Variants in GSG1L observed in about 807,000 individuals in gnomAD.
GSG1L encodes GSG1 like, also known as germ cell-specific gene 1-like protein.
In GSG1L, 24 loss-of-function variants were observed where a neutral mutation model predicts 42.1. The observed-to-expected ratio is 0.57, with a 90% CI of 0.41 to 0.80. The LOEUF is 0.80. Ranked by LOEUF, GSG1L falls within the 30% of genes least tolerant of loss-of-function variation. The pLI, the probability that GSG1L is intolerant of heterozygous loss-of-function variation, is 0.00. For missense variants in GSG1L, 445 were observed against 472.2 expected, an observed-to-expected ratio of 0.94 and a Z score of 0.53; for synonymous variants, 215 against 203.5, an observed-to-expected ratio of 1.06 and a Z score of -0.48.
chr16:28,058,976 G>T (rs1331226584), intron 1 of GSG1L, among the ~76,000 whole-genome samples: 3 of 152,208 alleles, frequency 2.0e-5, no homozygotes, highest in African/African-American at 7.2e-5. Context: ...GGTGCAGGAT[G>T]AACTGGGGAG....
intron 3 of GSG1L, among the ~76,000 whole-genome samples, chr16:27,874,441 C>CTTTTTTTTTTTTTTTTTTTTTTTTT (rs71140916): frequency 2.1e-5 from 2 of 94,474 alleles, no homozygotes; most frequent in African/African-American, 3.7e-5. Flanking sequence ...ACAGGAGAGC[C>CTTTTTTTTTTTTTTTTTTTTTTTTT]TTTTTTTTTT....
At chr16:27,939,539 G>C (rs926573489) in intron 2 of GSG1L, among the ~76,000 whole-genome samples, 6 of 152,160 alleles carry the variant, frequency 3.9e-5, no homozygotes, top group Admixed American at 3.3e-4. Flanking sequence ...CTGTATGACA[G>C]AATGACACAC....
chr16:27,819,968 G>C (rs914474121), intron 5 of GSG1L, among the ~76,000 whole-genome samples: 2 of 152,160 alleles, frequency 1.3e-5, no homozygotes, highest in African/African-American at 4.8e-5. Flanking sequence ...CAGAGAAAAA[G>C]GAAGGAGACA....
At chr16:27,874,686 C>A (rs2083865682) in intron 3 of GSG1L, among the ~76,000 whole-genome samples, 1 of 152,056 alleles carries the variant, frequency 6.6e-6, no homozygotes. Context: ...CACAAAGAGA[C>A]AGCATGGGAG....
At position 27,862,366 on chromosome 16, in the gene GSG1L, C is replaced by T. The variant is rs571839707; in HGVS notation, c.551-17305G>A. On this transcript the variant is annotated intron_variant, in intron 3 of 6. Coordinates refer to ENST00000447459, the MANE Select transcript of GSG1L (RefSeq NM_001109763.2). Reference sequence around the variant, plus strand: ...AGAAACCAAAAGGAGCCGAAATCTCCGAACAACCAGGTGAGCTTCAAACAG... The same window carrying T: ...AGAAACCAAAAGGAGCCGAAATCTCTGAACAACCAGGTGAGCTTCAAACAG... Among the ~76,000 whole-genome samples the T allele has an allele frequency of 4.7e-4, 72 of 152,248 alleles. 1 individual carries two copies. The highest frequency in any genetic ancestry group is 1.7e-3 in the African/African-American group (71 of 41,536).
chr16:27,924,946 A>T (rs933664), intron 2 of GSG1L, among the ~76,000 whole-genome samples: 2 of 151,976 alleles, frequency 1.3e-5, no homozygotes, highest in African/African-American at 2.4e-5. Context: ...GCAACACCGG[A>T]TCACACGCCT....
Position 27,790,282 on chromosome 16 carries a change from A to T in GSG1L, c.*1088T>A, listed in dbSNP as rs2144377816. On this transcript the variant is annotated 3_prime_UTR_variant, in exon 7 of 7. Transcript: ENST00000447459. The stretch of plus-strand genomic sequence containing the variant: ...GGATGATGGATGGAAGGATGGAAGG[A>T]TAAAGGAGAAGAATATATTCTACGT... 6.6e-6 allele frequency: 1 copy of T among 152,308 alleles called. No individual in the cohort carries two copies. The highest frequency in any genetic ancestry group is 2.1e-4 in the South Asian group (1 of 4,828). 9.4% of individuals were successfully genotyped at this position (152,308 alleles called of 1,614,324 possible). A position where few individuals can be genotyped will look rare whatever the true frequency, so the allele number is the denominator to read the frequency against.
intron 2 of GSG1L, among the ~76,000 whole-genome samples, chr16:27,958,451 C>A (rs541660061): frequency 6.6e-6 from 1 of 150,462 alleles, no homozygotes; most frequent in Non-Finnish European, 1.5e-5. Context: ...TATCAGTCAT[C>A]ATGCGATAGA....
intron 6 of GSG1L, among the ~76,000 whole-genome samples, chr16:27,800,006 G>C (rs1253370397): frequency 6.6e-6 from 1 of 152,100 alleles, no homozygotes; most frequent in African/African-American, 2.4e-5. Flanking sequence ...CAGACCTCCT[G>C]AATCAGAAAT....
At chr16:27,951,991 T>C (rs2084955457) in intron 2 of GSG1L, among the ~76,000 whole-genome samples, 1 of 152,134 alleles carries the variant, frequency 6.6e-6, no homozygotes, top group African/African-American at 2.4e-5. Flanking sequence ...GGAGATTGCT[T>C]CACAAAAATT....
At chr16:27,820,215 TCGGGTGGGGCGGAG>T (rs1372025207) in intron 5 of GSG1L, among the ~76,000 whole-genome samples, 2 of 152,110 alleles carry the variant, frequency 1.3e-5, no homozygotes, top group Admixed American at 6.6e-5. Flanking sequence ...GCATATGGCA[TCGGGTGGGGCGGAG>T]CGGGTTCTTC....
chr16:27,948,369 C>T (rs2084909364), intron 2 of GSG1L, among the ~76,000 whole-genome samples: 1 of 151,886 alleles, frequency 6.6e-6, no homozygotes, highest in Non-Finnish European at 1.5e-5. Flanking sequence ...TATTCTTATT[C>T]TTATTCTTAT....
chr16:28,006,433 C>A (rs1438526357), intron 1 of GSG1L, among the ~76,000 whole-genome samples: 1 of 151,982 alleles, frequency 6.6e-6, no homozygotes, highest in South Asian at 2.1e-4. Flanking sequence ...CTCAGCCTCC[C>A]GAGTGACTGT....
At chr16:27,795,158 G>C (rs2144393191) in intron 6 of GSG1L, among the ~76,000 whole-genome samples, 1 of 151,750 alleles carries the variant, frequency 6.6e-6, no homozygotes, top group South Asian at 2.1e-4. Flanking sequence ...GCCCAGCACA[G>C]AGCAAGTCCC....
At chr16:28,028,601 C>T (rs1202787201) in intron 1 of GSG1L, among the ~76,000 whole-genome samples, 1 of 152,118 alleles carries the variant, frequency 6.6e-6, no homozygotes, top group Admixed American at 6.5e-5. Context: ...CAGCTTTTAA[C>T]TCTCAGAGAA....
intron 6 of GSG1L, among the ~76,000 whole-genome samples, chr16:27,796,480 A>G (rs750032086): frequency 6.6e-6 from 1 of 152,242 alleles, no homozygotes; most frequent in Non-Finnish European, 1.5e-5. Flanking sequence ...CCTTTGAGGC[A>G]TGTGTCACAG....
At chr16:27,823,454 C>CA (rs2083171042) in intron 5 of GSG1L, among the ~76,000 whole-genome samples, 1 of 152,096 alleles carries the variant, frequency 6.6e-6, no homozygotes, top group Non-Finnish European at 1.5e-5. Flanking sequence ...TCCAACAGGA[C>CA]ATGGGTGGTG....
In GSG1L at chr16:27,829,804, A is replaced by C. The variant is rs76067194; in HGVS notation, c.663-848T>G. Among the ~76,000 whole-genome samples, 606 of 152,334 alleles carry C rather than the reference A, an allele frequency of 4.0e-3. 5 individuals carry two copies. The highest frequency in any genetic ancestry group is 7.3e-3 in the Non-Finnish European group (494 of 68,028). On this transcript the variant is annotated intron_variant, in intron 4 of 6. Transcript: ENST00000447459. ...TGATCCACTGAAACCATCTTAGAAT[A>C]GTGTCTGGCACATAGTAGGCACTCA... is the stretch of plus-strand genomic sequence containing the variant.
At chr16:27,836,752 G>T (rs2083325402) in intron 4 of GSG1L, among the ~76,000 whole-genome samples, 1 of 152,058 alleles carries the variant, frequency 6.6e-6, no homozygotes, top group Admixed American at 6.5e-5. Flanking sequence ...ATTTTTCCAA[G>T]GGTGTTTGCA....
Sources: allele counts gnomAD v4.1 joint callset (sites outside exome capture counted in the v4.1 genomes callset), GRCh38; gene constraint gnomAD v4.1.1; transcripts MANE v1.5; gene names NCBI Gene and HGNC (gene_info 2026-07-23, HGNC 2026-07-21).